Variants in CCNL2 observed in about 807,000 individuals in gnomAD.
CCNL2 encodes the protein cyclin L2, also known as cyclin-L2.
Under a neutral mutation model 59.1 loss-of-function variants are expected in CCNL2, and 28 were observed. That is an observed-to-expected ratio of 0.47 (90% CI 0.35 to 0.65). The LOEUF (loss-of-function observed/expected upper bound fraction) is 0.65. Among genes scored for constraint, CCNL2 ranks in the 30% least tolerant of loss-of-function variants. The probability of loss-of-function intolerance (pLI) is 0.00; values close to 1 mark genes in which losing one functional copy is unlikely to be tolerated. For missense variants in CCNL2, 714 were observed against 717.4 expected, an observed-to-expected ratio of 1.00 and a Z score of 0.05; for synonymous variants, 342 against 288.6, an observed-to-expected ratio of 1.19 and a Z score of -1.88.
chr1:1,391,117 A>G, intron 5 of CCNL2: 1 of 1,259,206 alleles, frequency 7.9e-7, no homozygotes, highest in African/African-American at 1.5e-5. Flanking sequence ...GCTGAATGTC[A>G]GACAATACGT....
At chr1:1,391,948 T>C (rs1204966917) in intron 5 of CCNL2, 1 of 200,694 alleles carries the variant, frequency 5.0e-6, no homozygotes, top group East Asian at 1.6e-4. Context: ...CGAGGTGGGT[T>C]GTGAGGGAAT....
At chr1:1,397,690 C>T (rs909794013) in intron 3 of CCNL2, among the ~76,000 whole-genome samples, 5 of 152,108 alleles carry the variant, frequency 3.3e-5, no homozygotes, top group Admixed American at 3.3e-4. Context: ...AGCATGACCC[C>T]ATCTTTACCA....
At chr1:1,393,688 G>C (rs1431442456) in intron 4 of CCNL2, among the ~76,000 whole-genome samples, 1 of 152,234 alleles carries the variant, frequency 6.6e-6, no homozygotes, top group Non-Finnish European at 1.5e-5. Context: ...CACAACCCAC[G>C]GCACAGGCCT....
At chr1:1,394,515 C>A (rs111635400) in intron 4 of CCNL2, among the ~76,000 whole-genome samples, 1 of 151,934 alleles carries the variant, frequency 6.6e-6, no homozygotes, top group African/African-American at 2.4e-5. Context: ...TTTGGGAGGC[C>A]GAGGCAGGTG....
intron 5 of CCNL2, 43 bp from the exon 6 acceptor site, chr1:1,390,908 A>C: frequency 1.3e-6 from 2 of 1,511,904 alleles, no homozygotes; most frequent in Non-Finnish European, 9.2e-7. Context: ...CCCACCCGGG[A>C]ACCCAGGTCT....
intron 5 of CCNL2, chr1:1,392,435 AC>A: frequency 8.5e-7 from 1 of 1,178,194 alleles, no homozygotes; most frequent in Non-Finnish European, 1.1e-6. Flanking sequence ...TCATGACATA[AC>A]CCCACACTGA....
chr1:1,387,741 G>A (rs536202089), intron 10 of CCNL2, 36 bp downstream of exon 10: 46 of 1,550,632 alleles, frequency 3.0e-5, no homozygotes, highest in Admixed American at 5.5e-5. Flanking sequence ...GCCCCACCCC[G>A]GTATCGGCCT....
Position 1,387,951 on chromosome 1 carries a change from T to C in CCNL2, c.1118+3A>G. Reference sequence around the variant, plus strand: ...AGCCACCTGGGCAGCCCTGGGGTCCTACCCGTTCACGGGGCTGTCCGCCTT... The same window carrying C: ...AGCCACCTGGGCAGCCCTGGGGTCCCACCCGTTCACGGGGCTGTCCGCCTT... On this transcript the variant is annotated splice_donor_region_variant and intron_variant, in intron 9 of 10. Transcript: ENST00000400809. 1.2e-6 allele frequency: 2 copies of C among 1,613,926 alleles called. No individual in the cohort carries two copies. Among genetic ancestry groups the C allele is most frequent in the East Asian group, 2.2e-5 (1 of 44,872 alleles).
intron 8 of CCNL2, chr1:1,388,847 G>C (rs538207182): frequency 2.4e-5 from 9 of 379,678 alleles, no homozygotes; most frequent in Admixed American, 8.0e-5. Context: ...AGGCCAAGGC[G>C]GGCAGATCAA....
In CCNL2 at chr1:1,399,199, C is replaced by T. The variant is rs1334424895; in HGVS notation, c.108G>A (p.Leu36=). The T allele has an allele frequency of 6.2e-7, 1 of 1,608,464 alleles. No individual in the cohort carries two copies. Among genetic ancestry groups the T allele is most frequent in the Non-Finnish European group, 8.5e-7 (1 of 1,178,326 alleles). Residue 36 remains leucine, a synonymous_variant, in exon 1 of 11, where the codon CTG becomes CTA. Transcript: ENST00000400809. ...GGAPSGSQGV[L]IGDRLYSGVL... ...CCCCGGAGTACAGCCTGTCCCCGATCAGCACCCCCTGCGACCCTGAGGGTG... is the reference window on the plus strand; with the variant it reads ...CCCCGGAGTACAGCCTGTCCCCGATTAGCACCCCCTGCGACCCTGAGGGTG...
At position 1,387,214 on chromosome 1, in the gene CCNL2, G is replaced by C. The variant is rs759465636; in HGVS notation, c.*17C>G. ...CCCAGGGAAGGGCTTGCGGCCACCA[G>C]TCACTGCAACCCCGCCTCACCTCCG... On this transcript the variant is annotated 3_prime_UTR_variant, in exon 11 of 11. Coordinates refer to ENST00000400809, the MANE Select transcript of CCNL2 (RefSeq NM_030937.6). 1.9e-6 allele frequency: 3 copies of C among 1,586,356 alleles called. No homozygotes were observed. Among genetic ancestry groups the C allele is most frequent in the Non-Finnish European group, 2.6e-6 (3 of 1,168,050 alleles).
chr1:1,392,436 C>G, intron 5 of CCNL2: 1 of 1,178,022 alleles, frequency 8.5e-7, no homozygotes, highest in Non-Finnish European at 1.1e-6. Context: ...CATGACATAA[C>G]CCCACACTGA....
intron 5 of CCNL2, chr1:1,392,317 G>C (rs1250262247): frequency 9.1e-6 from 9 of 986,318 alleles, no homozygotes; most frequent in Non-Finnish European, 9.7e-6. Flanking sequence ...TATTTGAAGT[G>C]ATACAATATT....
At chr1:1,395,335 G>A (rs1644959190) in intron 4 of CCNL2, 59 bp downstream of exon 4, 3 of 1,593,418 alleles carry the variant, frequency 1.9e-6, no homozygotes, top group African/African-American at 1.3e-5. Context: ...GGTGGAGAGA[G>A]GCGGCCAGGC....
intron 8 of CCNL2, 115 bp from the exon 9 acceptor site, chr1:1,388,180 G>A (rs999695203): frequency 2.6e-6 from 2 of 770,368 alleles, no homozygotes; most frequent in Non-Finnish European, 4.3e-6. Flanking sequence ...CAAGCAGACT[G>A]TAACTTCCGG....
intron 5 of CCNL2, chr1:1,391,653 G>GAGAAGC: frequency 2.5e-6 from 2 of 790,748 alleles, no homozygotes; most frequent in Non-Finnish European, 3.8e-6. Context: ...ACATAATACT[G>GAGAAGC]AACATTTCAT....
chr1:1,397,946 G>A (rs983411187), intron 3 of CCNL2, among the ~76,000 whole-genome samples: 1 of 152,188 alleles, frequency 6.6e-6, no homozygotes, highest in Non-Finnish European at 1.5e-5. Context: ...AAACTTGTGG[G>A]ACAGAAGCAG....
At position 1,398,930 on chromosome 1, in the gene CCNL2, G is replaced by C. The variant is rs1005366170; in HGVS notation, c.288+89C>G. 2.7e-6 allele frequency: 4 copies of C among 1,461,452 alleles called. No homozygotes were observed. The African/African-American group carries it at 4.3e-5, about 16-fold the overall frequency. 90.5% of individuals were successfully genotyped at this position (1,461,452 alleles called of 1,614,324 possible). A position where few individuals can be genotyped will look rare whatever the true frequency, so the allele number is the denominator to read the frequency against. ...CAGGGGCTGGGGTCGGGGTCTAGGC[G>C]GGGGCGGTGCGGGCCCGACTCGCCG... On this transcript the variant is annotated intron_variant, in intron 1 of 10. Transcript: ENST00000400809.
Position 1,398,940 on chromosome 1 carries a change from C to A in CCNL2, c.288+79G>T, listed in dbSNP as rs557038358. On this transcript the variant is annotated intron_variant, in intron 1 of 10. Coordinates refer to ENST00000400809, the MANE Select transcript of CCNL2 (RefSeq NM_030937.6). ...GGTCGGGGTCTAGGCGGGGGCGGTG[C>A]GGGCCCGACTCGCCGCCAACAAAGG... The A allele has an allele frequency of 3.7e-4, 540 of 1,474,640 alleles. 4 individuals are homozygous for A. In the African/African-American group the frequency reaches 7.3e-3, roughly 20 times the overall value. The allele number at this position is 1,474,640 out of a possible 1,614,324, so 91.3% of individuals were successfully genotyped here. A position where few individuals can be genotyped will look rare whatever the true frequency, so the allele number is the denominator to read the frequency against.
Sources: allele counts gnomAD v4.1 joint callset (sites outside exome capture counted in the v4.1 genomes callset), GRCh38; gene constraint gnomAD v4.1.1; transcripts MANE v1.5; gene names NCBI Gene and HGNC (gene_info 2026-07-23, HGNC 2026-07-21).